LRMDA: variants seen among roughly 807,000 people sequenced by gnomAD.
The protein encoded by LRMDA is leucine rich melanocyte differentiation associated.
LRMDA carries 18 observed loss-of-function variants against 29.8 expected under a neutral mutation model. That is an observed-to-expected ratio of 0.60 (90% CI 0.42 to 0.90). The LOEUF (loss-of-function observed/expected upper bound fraction) is 0.90, where lower values mean the gene tolerates loss of function less well. Among genes scored for constraint, LRMDA ranks in the 40% least tolerant of loss-of-function variants. The probability of loss-of-function intolerance (pLI) is 0.00; values close to 1 mark genes in which losing one functional copy is unlikely to be tolerated. For missense variants in LRMDA, 273 were observed against 273.9 expected (o/e 1.00, Z 0.02); for synonymous variants, 125 against 109.4 (o/e 1.14, Z -0.89).
intron 2 of LRMDA, among the ~76,000 whole-genome samples, chr10:75,654,081 C>CT (rs58768625): frequency 0.19 from 28,439 of 152,084 alleles, 6,493 homozygotes; most frequent in African/African-American, 0.53. Flanking sequence ...AATGTGTTGT[C>CT]TTCTTTGGCG....
chr10:76,023,152 C>T (rs1054922368), intron 2 of LRMDA, among the ~76,000 whole-genome samples: 3 of 152,052 alleles, frequency 2.0e-5, no homozygotes, highest in African/African-American at 7.2e-5. Context: ...CAAGATCCAT[C>T]CATTATGGCT....
At chr10:76,157,251 A>T (rs1850554663) in intron 5 of LRMDA, among the ~76,000 whole-genome samples, 1 of 152,148 alleles carries the variant, frequency 6.6e-6, no homozygotes, top group South Asian at 2.1e-4. Flanking sequence ...TTTCCAAAAG[A>T]TGATAGTGGA....
At chr10:76,119,941 T>C (rs745753757) in intron 5 of LRMDA, among the ~76,000 whole-genome samples, 2 of 152,192 alleles carry the variant, frequency 1.3e-5, no homozygotes, top group African/African-American at 2.4e-5. Flanking sequence ...AGTTCAAGTC[T>C]GAAGGGGAGC....
At chr10:75,822,490 G>T (rs1008476346) in intron 2 of LRMDA, among the ~76,000 whole-genome samples, 1 of 151,814 alleles carries the variant, frequency 6.6e-6, no homozygotes, top group South Asian at 2.1e-4. Flanking sequence ...ACCAAAAAAA[G>T]CCTGAATAGC....
intron 2 of LRMDA, among the ~76,000 whole-genome samples, chr10:75,845,450 C>T (rs759977247): frequency 8.5e-5 from 13 of 152,168 alleles, no homozygotes; most frequent in Non-Finnish European, 1.6e-4. Context: ...CATGATATGC[C>T]GGCAACACAT....
At chr10:75,989,580 CA>C (rs1318474732) in intron 2 of LRMDA, among the ~76,000 whole-genome samples, 7 of 152,218 alleles carry the variant, frequency 4.6e-5, no homozygotes, top group Admixed American at 3.3e-4. Flanking sequence ...TGTGGGGACA[CA>C]GATCCAAACT....
chr10:75,483,899 T>G (rs2132055221), intron 2 of LRMDA, among the ~76,000 whole-genome samples: 1 of 133,580 alleles, frequency 7.5e-6, no homozygotes, highest in Non-Finnish European at 1.6e-5. Context: ...TCAGGTAGTA[T>G]TACTTTAACT....
At chr10:76,433,535 C>T (rs1016206786) in intron 6 of LRMDA, among the ~76,000 whole-genome samples, 5 of 152,072 alleles carry the variant, frequency 3.3e-5, no homozygotes, top group Non-Finnish European at 5.9e-5. Context: ...CAGGCTTGTG[C>T]GATTAGTATT....
intron 2 of LRMDA, among the ~76,000 whole-genome samples, chr10:75,816,364 C>A (rs1330966649): frequency 1.3e-5 from 2 of 152,086 alleles, no homozygotes; most frequent in South Asian, 2.1e-4. Flanking sequence ...TTCATTAAGA[C>A]TAGTGACTGC....
intron 5 of LRMDA, among the ~76,000 whole-genome samples, chr10:76,289,902 A>G (rs1181836591): frequency 6.6e-6 from 1 of 152,184 alleles, no homozygotes; most frequent in African/African-American, 2.4e-5. Flanking sequence ...ATCTAGAGGA[A>G]AACAGAGGAA....
intron 6 of LRMDA, among the ~76,000 whole-genome samples, chr10:76,514,932 G>A (rs147067725): frequency 1.3e-5 from 2 of 152,132 alleles, no homozygotes; most frequent in Non-Finnish European, 2.9e-5. Context: ...GCACAAGAAC[G>A]AAGAAAGTTC....
At chr10:76,253,046 A>G (rs771028780) in intron 5 of LRMDA, among the ~76,000 whole-genome samples, 12 of 152,336 alleles carry the variant, frequency 7.9e-5, no homozygotes, top group Non-Finnish European at 1.5e-4. Context: ...GTGTTATTGT[A>G]ACATAGCTCA....
intron 2 of LRMDA, among the ~76,000 whole-genome samples, chr10:75,888,493 T>G (rs1456309834): frequency 6.6e-6 from 1 of 152,184 alleles, no homozygotes; most frequent in Non-Finnish European, 1.5e-5. Flanking sequence ...ATTATGAATT[T>G]CCTAGCTTAA....
chr10:76,506,367 C>A (rs141051227), intron 6 of LRMDA, among the ~76,000 whole-genome samples: 1 of 152,072 alleles, frequency 6.6e-6, no homozygotes, highest in African/African-American at 2.4e-5. Flanking sequence ...CTAAATATTA[C>A]CTTTGCATAT....
At chr10:76,262,167 A>C (rs1460164432) in intron 5 of LRMDA, among the ~76,000 whole-genome samples, 2 of 152,208 alleles carry the variant, frequency 1.3e-5, no homozygotes, top group African/African-American at 4.8e-5. Flanking sequence ...TGAGCCTAGG[A>C]GTTCAAGCTA....
At chr10:75,868,942 A>G (rs1412878519) in intron 2 of LRMDA, among the ~76,000 whole-genome samples, 1 of 152,118 alleles carries the variant, frequency 6.6e-6, no homozygotes, top group East Asian at 1.9e-4. Flanking sequence ...CCTCCCAAAG[A>G]TGTACAGGTT....
intron 6 of LRMDA, among the ~76,000 whole-genome samples, chr10:76,478,402 T>C (rs1842700503): frequency 1.3e-5 from 2 of 152,172 alleles, no homozygotes; most frequent in South Asian, 4.1e-4. Flanking sequence ...AAACAACAGG[T>C]GCTGGAGAGG....
At chr10:76,550,114 A>G in intron 6 of LRMDA, among the ~76,000 whole-genome samples, 1 of 152,356 alleles carries the variant, frequency 6.6e-6, no homozygotes, top group East Asian at 1.9e-4. Context: ...AATTGATCCC[A>G]TTGAAAATAA....
chr10:75,953,335 T>A (rs999982691), intron 2 of LRMDA, among the ~76,000 whole-genome samples: 10 of 152,102 alleles, frequency 6.6e-5, no homozygotes, highest in African/African-American at 2.4e-4. Context: ...TGCCTCAGCC[T>A]CCCAAATTGC....
Sources: allele counts gnomAD v4.1 joint callset (sites outside exome capture counted in the v4.1 genomes callset), GRCh38; gene constraint gnomAD v4.1.1; transcripts MANE v1.5; gene names NCBI Gene and HGNC (gene_info 2026-07-23, HGNC 2026-07-21).